PTPRD: variants seen among roughly 807,000 people sequenced by gnomAD.
The protein encoded by PTPRD is receptor-type tyrosine-protein phosphatase delta.
PTPRD carries 34 observed loss-of-function variants against 214.5 expected under a neutral mutation model. That is an observed-to-expected ratio of 0.16 (90% confidence interval 0.12 to 0.21). The LOEUF is 0.21. PTPRD is among the 10% of genes least tolerant of loss of function. The pLI, the probability that PTPRD is intolerant of heterozygous loss-of-function variation, is 1.00. For missense variants in PTPRD, 2,545 were observed against 2,398.7 expected (o/e 1.06, Z -1.27); for synonymous variants, 1,128 against 845.7 (o/e 1.33, Z -5.79).
chr9:9,774,553 A>C (rs1597416053), intron 5 of PTPRD, among the ~76,000 whole-genome samples: 1 of 152,296 alleles, frequency 6.6e-6, no homozygotes, highest in East Asian at 1.9e-4. Flanking sequence ...ATCAACTTCA[A>C]CAGCCAGCTA....
intron 8 of PTPRD, among the ~76,000 whole-genome samples, chr9:9,445,986 A>G (rs982041445): frequency 1.3e-5 from 2 of 152,214 alleles, no homozygotes; most frequent in African/African-American, 4.8e-5. Flanking sequence ...AAGCTTTTCC[A>G]TAAAGTTAAT....
At chr9:8,885,307 G>A (rs1427492501) in intron 11 of PTPRD, among the ~76,000 whole-genome samples, 3 of 151,908 alleles carry the variant, frequency 2.0e-5, no homozygotes, top group Non-Finnish European at 4.4e-5. Flanking sequence ...GGGACTAAGG[G>A]GTTTCTCAGG....
intron 30 of PTPRD, 32 bp from the exon 31 acceptor site, chr9:8,471,117 T>A (rs2134958981): frequency 6.3e-7 from 1 of 1,589,124 alleles, no homozygotes; most frequent in Non-Finnish European, 8.6e-7. Flanking sequence ...AAAGTTAGGT[T>A]AGTTGAAAGG....
At chr9:9,503,973 T>C (rs1051026733) in intron 8 of PTPRD, among the ~76,000 whole-genome samples, 1 of 151,730 alleles carries the variant, frequency 6.6e-6, no homozygotes, top group Admixed American at 6.6e-5. Context: ...AAGACAATAA[T>C]CTCAAAACAA....
intron 10 of PTPRD, among the ~76,000 whole-genome samples, chr9:9,149,061 A>G (rs914664395): frequency 6.6e-6 from 1 of 152,190 alleles, no homozygotes; most frequent in African/African-American, 2.4e-5. Flanking sequence ...ACATGGAAAG[A>G]TTGTCTTGGA....
chr9:8,893,733 G>GA (rs2098566685), intron 11 of PTPRD, among the ~76,000 whole-genome samples: 1 of 152,072 alleles, frequency 6.6e-6, no homozygotes, highest in South Asian at 2.1e-4. Flanking sequence ...ATACACATTT[G>GA]AAAATGTGGT....
intron 3 of PTPRD, among the ~76,000 whole-genome samples, chr9:10,260,845 C>G (rs940544363): frequency 4.6e-5 from 7 of 151,874 alleles, no homozygotes; most frequent in Non-Finnish European, 7.4e-5. Flanking sequence ...TTGTTTGTCC[C>G]TTGCCAGCAG....
chr9:8,764,923 T>G (rs2094617272), intron 11 of PTPRD, among the ~76,000 whole-genome samples: 1 of 152,100 alleles, frequency 6.6e-6, no homozygotes. Context: ...TGATTGGGCA[T>G]GAGGATACAT....
chr9:10,449,485 T>C (rs538833162), intron 2 of PTPRD, among the ~76,000 whole-genome samples: 2 of 145,222 alleles, frequency 1.4e-5, no homozygotes, highest in East Asian at 3.9e-4. Context: ...GAGGAGCCTC[T>C]CTGCCTGGCT....
chr9:8,321,481 GTGTGTGTATA>G (rs1489910964), intron 44 of PTPRD, among the ~76,000 whole-genome samples: 202 of 49,132 alleles, frequency 4.1e-3, no homozygotes, highest in Admixed American at 6.8e-3. Flanking sequence ...GTGTGTGTGT[GTGTGTGTATA>G]TATATATATA....
intron 4 of PTPRD, among the ~76,000 whole-genome samples, chr9:9,966,426 C>A (rs2094704604): frequency 6.6e-6 from 1 of 152,112 alleles, no homozygotes; most frequent in African/African-American, 2.4e-5. Context: ...TGTGCTATGG[C>A]AGCAAGGAGG....
At chr9:8,829,937 T>C (rs1037355037) in intron 11 of PTPRD, among the ~76,000 whole-genome samples, 14 of 152,192 alleles carry the variant, frequency 9.2e-5, no homozygotes, top group African/African-American at 3.1e-4. Context: ...TATAATTCTA[T>C]AAAACATTAT....
chr9:9,197,642 C>G (rs1032835854), intron 9 of PTPRD, among the ~76,000 whole-genome samples: 1 of 152,120 alleles, frequency 6.6e-6, no homozygotes, highest in Non-Finnish European at 1.5e-5. Context: ...AACTCCTGAC[C>G]TCAGGTGATC....
At chr9:8,840,555 C>T (rs1051938241) in intron 11 of PTPRD, among the ~76,000 whole-genome samples, 2 of 152,036 alleles carry the variant, frequency 1.3e-5, no homozygotes, top group Non-Finnish European at 2.9e-5. Context: ...TTCAAATGAC[C>T]CCATTGTTAA....
chr9:9,536,143 T>A (rs1263863519), intron 8 of PTPRD, among the ~76,000 whole-genome samples: 1 of 152,090 alleles, frequency 6.6e-6, no homozygotes, highest in Non-Finnish European at 1.5e-5. Context: ...CTTTTTGTGC[T>A]TCAGTAAGAT....
At chr9:9,670,536 A>G (rs2096807877) in intron 7 of PTPRD, among the ~76,000 whole-genome samples, 1 of 152,184 alleles carries the variant, frequency 6.6e-6, no homozygotes, top group Non-Finnish European at 1.5e-5. Flanking sequence ...TCTAGGGAAT[A>G]TTAGAGGTCT....
chr9:10,000,222 G>T (rs1041098644), intron 4 of PTPRD, among the ~76,000 whole-genome samples: 2 of 152,052 alleles, frequency 1.3e-5, no homozygotes, highest in African/African-American at 4.8e-5. Flanking sequence ...TCTAGTGGAG[G>T]CAAACTGGTG....
intron 8 of PTPRD, among the ~76,000 whole-genome samples, chr9:9,519,983 T>C (rs2096927338): frequency 6.6e-6 from 1 of 152,030 alleles, no homozygotes; most frequent in Admixed American, 6.6e-5. Context: ...AATGGAAAAG[T>C]ACAGAGCCTG....
At chr9:9,908,324 G>A (rs529261352) in intron 5 of PTPRD, among the ~76,000 whole-genome samples, 395 of 152,080 alleles carry the variant, frequency 2.6e-3, no homozygotes, top group Non-Finnish European at 3.8e-3. Flanking sequence ...TATAAAGGGG[G>A]AGTGTCAAGG....
Sources: allele counts gnomAD v4.1 joint callset (sites outside exome capture counted in the v4.1 genomes callset), GRCh38; gene constraint gnomAD v4.1.1; transcripts MANE v1.5; gene names NCBI Gene and HGNC (gene_info 2026-07-23, HGNC 2026-07-21).